EBF3: variants seen among roughly 807,000 people sequenced by gnomAD.
EBF3 encodes EBF transcription factor 3, also known as transcription factor COE3.
EBF3 carries 18 observed loss-of-function variants against 77.1 expected under a neutral mutation model. That is an observed-to-expected ratio of 0.23 (90% CI 0.16 to 0.35). EBF3 has a LOEUF of 0.35. Ranked by LOEUF, EBF3 falls within the 10% of genes least tolerant of loss-of-function variation. EBF3 has a pLI of 1.00. For missense variants in EBF3, 558 were observed against 860.0 expected, an observed-to-expected ratio of 0.65 and a Z score of 4.39; for synonymous variants, 350 against 343.5, an observed-to-expected ratio of 1.02 and a Z score of -0.21.
At position 129,963,600 on chromosome 10, in the gene EBF3, C is replaced by A; in HGVS notation, c.134+35G>T. On this transcript the variant is annotated intron_variant, in intron 1 of 16. Transcript: ENST00000440978. This position sits in a 1 kb window ranked among gnomAD's most constrained non-coding sequence, Gnocchi z 7.1. ...GGAGGGGGCCGGGCCGGGCCGGGGCCGGGGCCAGGGCGCGCGGGGGCGGCC... is the reference window on the plus strand; with the variant it reads ...GGAGGGGGCCGGGCCGGGCCGGGGCAGGGGCCAGGGCGCGCGGGGGCGGCC... 1 of 1,268,990 alleles carries A rather than the reference C, an allele frequency of 7.9e-7. No individual in the cohort carries two copies. Among genetic ancestry groups the A allele is most frequent in the Non-Finnish European group, 1.0e-6 (1 of 996,758 alleles). The allele number at this position is 1,268,990 out of a possible 1,614,324, so 78.6% of individuals were successfully genotyped here.
rs112538168 is a variant in EBF3, at chr10:129,924,230, C to T, written c.554+33028G>A. On this transcript the variant is annotated intron_variant, in intron 6 of 16. Coordinates refer to ENST00000440978, the MANE Select transcript of EBF3 (RefSeq NM_001375380.1). ...AAGAGATCGAGAACAGCCTGGCCAA[C>T]ATGGTGAAACCCCATCTCTGCTAAA... Among the ~76,000 whole-genome samples the T allele has an allele frequency of 8.7e-3, 1,329 of 152,198 alleles. 33 individuals carry two copies. The highest frequency in any genetic ancestry group is 0.031 in the African/African-American group (1,270 of 41,512).
intron 6 of EBF3, among the ~76,000 whole-genome samples, chr10:129,892,929 G>A (rs186901524): frequency 4.6e-5 from 7 of 152,330 alleles, no homozygotes; most frequent in Non-Finnish European, 8.8e-5. Flanking sequence ...GCAGCCAGCC[G>A]TTAATTAGCA....
intron 15 of EBF3, 126 bp downstream of exon 15, chr10:129,840,119 G>A (rs1009530521): frequency 6.0e-5 from 76 of 1,271,212 alleles, no homozygotes; most frequent in Admixed American, 3.3e-4. Flanking sequence ...ACGCATCAAG[G>A]TGGGCCACGG....
rs1265541353 is a variant in EBF3 at position 129,867,156 on chromosome 10, G to A, written c.1024C>T (p.Arg342Cys). 4.3e-6 allele frequency: 7 copies of A among 1,613,756 alleles called. No individual in the cohort carries two copies. Among genetic ancestry groups the A allele is most frequent in the East Asian group, 2.2e-5 (1 of 44,862 alleles). The change falls in exon 10 of 17, where the codon CGC becomes TGC. Residue 342 changes from arginine (R) to cysteine (C), a missense_variant. Physicochemically the swap from Arg to Cys is radical, Grantham distance 180. Transcript: ENST00000440978. ...GTGAACTCACCGGTGTAGACAAAGCGCCCAGGAGCACCTTTGCAGAACTGC... is the reference window on the plus strand; with the variant it reads ...GTGAACTCACCGGTGTAGACAAAGCACCCAGGAGCACCTTTGCAGAACTGC... ...SKQFCKGAPG[R>C]FVYTALNEPT...
At chr10:129,928,751 C>T (rs1340271498) in intron 6 of EBF3, among the ~76,000 whole-genome samples, 1 of 152,186 alleles carries the variant, frequency 6.6e-6, no homozygotes, top group Non-Finnish European at 1.5e-5. Context: ...GAAGGCCAGG[C>T]CATTGCATGT....
rs1415368904 is a variant in EBF3, at chr10:129,861,203, CTCCCT to C, written c.1039+5933_1039+5937del. On this transcript the variant is annotated intron_variant, in intron 10 of 16. Coordinates refer to ENST00000440978, the MANE Select transcript of EBF3 (RefSeq NM_001375380.1). This position sits in a 1 kb window ranked among gnomAD's most constrained non-coding sequence, Gnocchi z 4.3. ...GGACAGCGGTGGGAGCCTGCCCTCC[CTCCCT>C]TCCTTTGTGGCTCTGCCTAAGGGGC... Among the ~76,000 whole-genome samples, 2 of 152,104 alleles carry C rather than the reference CTCCCT, an allele frequency of 1.3e-5. No individual in the cohort carries two copies. Among genetic ancestry groups the C allele is most frequent in the Non-Finnish European group, 2.9e-5 (2 of 68,006 alleles).
intron 6 of EBF3, among the ~76,000 whole-genome samples, chr10:129,925,591 CAA>C (rs11368338): frequency 1.0e-3 from 115 of 114,568 alleles, no homozygotes; most frequent in East Asian, 1.5e-3. Flanking sequence ...GACTCCATCT[CAA>C]AAAAAAAAAA....
In EBF3 at chr10:129,841,853, C is replaced by T. The variant is rs1850083430; in HGVS notation, c.1372+263G>A. Among the ~76,000 whole-genome samples the T allele has an allele frequency of 6.6e-6, 1 of 152,176 alleles. No individual in the cohort carries two copies. Among genetic ancestry groups the T allele is most frequent in the African/African-American group, 2.4e-5 (1 of 41,446 alleles). The stretch of plus-strand genomic sequence containing the variant: ...TCTCTTATGAACACATTGAGGGAAA[C>T]TTCTAGCAAATACCAGTGACCCGCA... On this transcript the variant is annotated intron_variant, in intron 13 of 16. Coordinates refer to ENST00000440978, the MANE Select transcript of EBF3 (RefSeq NM_001375380.1). This position sits in a 1 kb window ranked among gnomAD's most constrained non-coding sequence, Gnocchi z 4.6.
chr10:129,850,907 G>A (rs1386279443), intron 10 of EBF3, among the ~76,000 whole-genome samples: 2 of 152,182 alleles, frequency 1.3e-5, no homozygotes, highest in Non-Finnish European at 2.9e-5. Flanking sequence ...GACGGGAGGA[G>A]AAAGCACCGG....
chr10:129,962,846 C>T, intron 3 of EBF3, 96 bp downstream of exon 3: 4 of 1,424,064 alleles, frequency 2.8e-6, no homozygotes, highest in Admixed American at 3.6e-5. Context: ...TGTTTACATC[C>T]ATGTCATTTT....
chr10:129,872,863 C>CT (rs1316444054), intron 8 of EBF3, among the ~76,000 whole-genome samples: 1 of 152,196 alleles, frequency 6.6e-6, no homozygotes, highest in East Asian at 1.9e-4. Context: ...TTCTCCCTAC[C>CT]TACCACCCTT....
chr10:129,878,839 A>AAAAAG (rs1554904692), intron 6 of EBF3, among the ~76,000 whole-genome samples: 7,638 of 146,872 alleles, frequency 0.052, 393 homozygotes, highest in South Asian at 0.16. Flanking sequence ...AAAAAAAAAA[A>AAAAAG]AAAAAAATCT....
chr10:129,888,651 G>A (rs1853791143), intron 6 of EBF3, among the ~76,000 whole-genome samples: 1 of 152,240 alleles, frequency 6.6e-6, no homozygotes, highest in African/African-American at 2.4e-5. Flanking sequence ...ATCCCTCTGA[G>A]AAGGTTTTCT....
At chr10:129,894,674 A>G (rs780503005) in intron 6 of EBF3, among the ~76,000 whole-genome samples, 6 of 152,128 alleles carry the variant, frequency 3.9e-5, no homozygotes, top group Non-Finnish European at 5.9e-5. Context: ...CTCTCCCAAT[A>G]GCCTGGATGA....
Position 129,867,246 on chromosome 10 carries a change from G to A in EBF3, c.934C>T (p.Arg312Ter), listed in dbSNP as rs1064796669. ...ATGTGCCTCGGCGGGGTCTGGACTC[G>A]GATGGCATGGGGAGTTATCAGCTAC... is the stretch of plus-strand genomic sequence containing the variant. ...WSELITPHAI[R>*]VQTPPRHIPG... is the part of the protein sequence containing the mutation. The change falls in exon 10 of 17, where the codon CGA becomes TGA. Residue 312 changes from arginine to a stop codon, truncating the protein, a stop_gained. Transcript: ENST00000440978. LOFTEE classifies it high-confidence loss of function. The A allele has an allele frequency of 1.2e-6, 2 of 1,614,062 alleles. No individual in the cohort carries two copies. Among genetic ancestry groups the A allele is most frequent in the Non-Finnish European group, 8.5e-7 (1 of 1,180,012 alleles).
chr10:129,858,986 CTA>C (rs1000444352), intron 10 of EBF3, among the ~76,000 whole-genome samples: 3 of 152,208 alleles, frequency 2.0e-5, no homozygotes, highest in Admixed American at 2.0e-4. Flanking sequence ...GGGAGCTTCT[CTA>C]TTTAAAATTT....
intron 6 of EBF3, among the ~76,000 whole-genome samples, chr10:129,953,044 AAAG>A (rs1185155936): frequency 6.5e-4 from 98 of 151,604 alleles, no homozygotes; most frequent in East Asian, 2.9e-3. Context: ...AAAAAAAAAA[AAAG>A]AAGAAGAAGA....
chr10:129,867,369 A>G lies in EBF3; in HGVS notation c.913-102T>C, dbSNP rs1852098275. 8 of 1,533,876 alleles carry G rather than the reference A, an allele frequency of 5.2e-6. No individual in the cohort carries two copies. In the Admixed American group the frequency reaches 1.1e-4, roughly 21 times the overall value. ...TACCAAAATGAGCACAAATTGGACC[A>G]TCGTCTTGGAATGCCCCCTCCTAGC... On this transcript the variant is annotated intron_variant, in intron 9 of 16. Transcript: ENST00000440978.
At chr10:129,939,290 T>C (rs4751152) in intron 6 of EBF3, among the ~76,000 whole-genome samples, 125,613 of 152,130 alleles carry the variant, frequency 0.83, 52,330 homozygotes, top group East Asian at 0.95. Context: ...AGGTCAAAAG[T>C]ATCCTGCCAC....
Sources: gnomAD v4.1 joint callset for allele counts (sites outside exome capture counted in the v4.1 genomes callset) on GRCh38, gnomAD v4.1.1 for gene constraint, Gnocchi (gnomAD v3.1) non-coding constraint, MANE v1.5 for transcripts, NCBI Gene and HGNC (gene_info 2026-07-23, HGNC 2026-07-21) for gene names.